The following LNX2 variants were observed in gnomAD, a reference collection of about 807,000 sequenced individuals.
The protein encoded by LNX2 is ligand of Numb protein X 2.
LNX2 carries 35 observed loss-of-function variants against 66.2 expected under a neutral mutation model. That is an observed-to-expected ratio of 0.53 (90% CI 0.40 to 0.70). The LOEUF is 0.70. Among genes scored for constraint, LNX2 ranks in the 30% least tolerant of loss-of-function variants. The pLI, the probability that LNX2 is intolerant of heterozygous loss-of-function variation, is 0.00. For synonymous variants in LNX2, 337 were observed against 315.6 expected, an observed-to-expected ratio of 1.07 and a Z score of -0.72; for missense variants, 791 against 850.8, an observed-to-expected ratio of 0.93 and a Z score of 0.87.
chr13:27,565,364 TA>T (rs1289925859), intron 4 of LNX2, among the ~76,000 whole-genome samples: 2 of 152,182 alleles, frequency 1.3e-5, no homozygotes, highest in African/African-American at 4.8e-5. Context: ...ACATTTCAGC[TA>T]AAAAGCCCAG....
Position 27,562,434 on chromosome 13 carries a change from C to T in LNX2, c.1203G>A (p.Glu401=). ...NGHDLKYGTP[E]LAAQIIQASG... is the part of the protein sequence containing the mutation. ...TTACCTGAATAATCTGGGCAGCAAG[C>T]TCCGGAGTTCCATACTTCAGGTCGT... is the stretch of plus-strand genomic sequence containing the variant. Residue 401 remains glutamate, a synonymous_variant, in exon 5 of 10, where the codon GAG becomes GAA. Coordinates refer to ENST00000316334, the MANE Select transcript of LNX2 (RefSeq NM_153371.4). 6.2e-7 allele frequency: 1 copy of T among 1,613,796 alleles called. No homozygotes were observed. The highest frequency in any genetic ancestry group is 8.5e-7 in the Non-Finnish European group (1 of 1,179,814).
chr13:27,613,330 A>C (rs191437065), intron 1 of LNX2, among the ~76,000 whole-genome samples: 252 of 152,046 alleles, frequency 1.7e-3, no homozygotes, highest in African/African-American at 5.5e-3. Context: ...TGTGAGGGGG[A>C]GGGGGCACTC....
intron 2 of LNX2, among the ~76,000 whole-genome samples, chr13:27,579,851 T>C (rs1436622442): frequency 2.0e-5 from 3 of 152,168 alleles, no homozygotes; most frequent in African/African-American, 7.2e-5. Flanking sequence ...AGTGTCAGTT[T>C]CCAGGAGGCC....
At chr13:27,560,815 G>A (rs1178363835) in intron 5 of LNX2, among the ~76,000 whole-genome samples, 2 of 151,892 alleles carry the variant, frequency 1.3e-5, no homozygotes, top group African/African-American at 4.8e-5. Context: ...ATTCCTATGG[G>A]AAAATATGAT....
chr13:27,574,028 G>A (rs1042150231), intron 2 of LNX2, among the ~76,000 whole-genome samples: 1 of 151,016 alleles, frequency 6.6e-6, no homozygotes, highest in Non-Finnish European at 1.5e-5. Flanking sequence ...TATGTTCAAA[G>A]AAGTAAAGGA....
chr13:27,619,731 C>A (rs2138504488), intron 1 of LNX2, among the ~76,000 whole-genome samples: 1 of 152,310 alleles, frequency 6.6e-6, no homozygotes, highest in East Asian at 1.9e-4. Flanking sequence ...TTGTTTAAAA[C>A]GTGGCATACA....
At chr13:27,558,166 T>C (rs1955086131) in intron 6 of LNX2, among the ~76,000 whole-genome samples, 1 of 152,112 alleles carries the variant, frequency 6.6e-6, no homozygotes, top group South Asian at 2.1e-4. Flanking sequence ...ATTATAATTG[T>C]CTGAAAAGAT....
intron 9 of LNX2, among the ~76,000 whole-genome samples, chr13:27,549,052 T>C (rs1424114418): frequency 6.6e-6 from 1 of 152,200 alleles, no homozygotes; most frequent in Non-Finnish European, 1.5e-5. Context: ...CTCAATTTCT[T>C]TTTGGAAGTA....
At chr13:27,606,482 A>C (rs1955718276) in intron 1 of LNX2, among the ~76,000 whole-genome samples, 1 of 152,076 alleles carries the variant, frequency 6.6e-6, no homozygotes, top group Non-Finnish European at 1.5e-5. Flanking sequence ...CCTTAAGGTT[A>C]CATTAATTAA....
intron 2 of LNX2, among the ~76,000 whole-genome samples, chr13:27,576,474 C>T (rs760146419): frequency 3.3e-5 from 5 of 151,492 alleles, no homozygotes; most frequent in African/African-American, 1.2e-4. Context: ...CCTAGCTCTT[C>T]GGGAGACCTA....
Position 27,553,384 on chromosome 13 carries a change from C to G in LNX2, c.1602G>C (p.Glu534Asp). The G allele has an allele frequency of 6.2e-7, 1 of 1,614,144 alleles. No individual in the cohort carries two copies. The highest frequency in any genetic ancestry group is 8.5e-7 in the Non-Finnish European group (1 of 1,180,024). Residue 534 changes from glutamate (E) to aspartate (D), a missense_variant, in exon 8 of 10, where the codon GAG becomes GAC. Glu to Asp is a conservative substitution (Grantham distance 45). Coordinates refer to ENST00000316334, the MANE Select transcript of LNX2 (RefSeq NM_153371.4). Reference protein sequence around the residue: ...GIDLTNLSHSEAVAMLKASAA... With the variant: ...GIDLTNLSHSDAVAMLKASAA... ...CACTGGCTTTCAGCATTGCAACTGC[C>G]TCACTGTGACTTAAATTGGTCAAAT... is the stretch of plus-strand genomic sequence containing the variant.
intron 4 of LNX2, among the ~76,000 whole-genome samples, 161 bp downstream of exon 4, chr13:27,567,479 A>C (rs532503848): frequency 2.2e-4 from 34 of 152,194 alleles, no homozygotes; most frequent in Non-Finnish European, 4.6e-4. Flanking sequence ...TGTATATGGG[A>C]AAATACCACA....
intron 1 of LNX2, among the ~76,000 whole-genome samples, chr13:27,613,690 C>G (rs1292473988): frequency 1.3e-5 from 2 of 152,234 alleles, no homozygotes; most frequent in East Asian, 3.9e-4. Flanking sequence ...ATCACTTGAA[C>G]CTGGGAGGTA....
intron 8 of LNX2, among the ~76,000 whole-genome samples, chr13:27,552,897 T>TCAG (rs1239736989): frequency 1.3e-5 from 2 of 152,194 alleles, no homozygotes; most frequent in Admixed American, 1.3e-4. Flanking sequence ...GCATGAAGTC[T>TCAG]CAGCACATAG....
rs954795398 is a variant in LNX2, at chr13:27,556,544, T to C, written c.1369-131A>G. 5 of 777,464 alleles carry C rather than the reference T, an allele frequency of 6.4e-6. No individual in the cohort carries two copies. The African/African-American group carries it at 7.0e-5, about 11-fold the overall frequency. 48.2% of individuals were successfully genotyped at this position (777,464 alleles called of 1,614,324 possible). A position where few individuals can be genotyped will look rare whatever the true frequency, so the allele number is the denominator to read the frequency against. On this transcript the variant is annotated intron_variant, in intron 6 of 9. Transcript: ENST00000316334. Reference sequence around the variant, plus strand: ...TTATTTTTTATTCCTTAATTGCAAATGAAAGTAATACACAGTTCTTAATAA... The same window carrying C: ...TTATTTTTTATTCCTTAATTGCAAACGAAAGTAATACACAGTTCTTAATAA...
At chr13:27,578,527 T>G (rs1265314122) in intron 2 of LNX2, among the ~76,000 whole-genome samples, 1 of 152,150 alleles carries the variant, frequency 6.6e-6, no homozygotes, top group South Asian at 2.1e-4. Flanking sequence ...CTATGTCCCC[T>G]TTTCCTTGGA....
chr13:27,578,372 AAAC>A (rs1394545865), intron 2 of LNX2, among the ~76,000 whole-genome samples: 3 of 152,340 alleles, frequency 2.0e-5, no homozygotes. Flanking sequence ...AATTTCTAAC[AAAC>A]AAGTGAGATT....
intron 1 of LNX2, among the ~76,000 whole-genome samples, chr13:27,616,626 A>G (rs892657834): frequency 1.3e-5 from 2 of 152,238 alleles, no homozygotes; most frequent in Non-Finnish European, 2.9e-5. Flanking sequence ...CAGTTAGCAA[A>G]ATAGATAGGA....
intron 1 of LNX2, among the ~76,000 whole-genome samples, chr13:27,610,172 G>A (rs1376002376): frequency 2.0e-5 from 3 of 152,192 alleles, no homozygotes; most frequent in Admixed American, 6.5e-5. Flanking sequence ...TAGTAGCAGA[G>A]GCACAGGATA....
Sources: allele counts gnomAD v4.1 joint callset (sites outside exome capture counted in the v4.1 genomes callset), GRCh38; gene constraint gnomAD v4.1.1; transcripts MANE v1.5; gene names NCBI Gene and HGNC (gene_info 2026-07-23, HGNC 2026-07-21).